The following CLVS1 variants were observed in gnomAD, a reference collection of about 807,000 sequenced individuals.
CLVS1 encodes clavesin 1, also known as clavesin-1.
CLVS1 carries 10 observed loss-of-function variants against 33.1 expected under a neutral mutation model. The observed-to-expected ratio is 0.30, with a 90% CI of 0.19 to 0.51. The LOEUF is 0.51. Among genes scored for constraint, CLVS1 ranks in the 20% least tolerant of loss-of-function variants. CLVS1 has a pLI of 0.97. For missense variants in CLVS1, 343 were observed against 433.4 expected (o/e 0.79, Z 1.85); for synonymous variants, 163 against 166.1 (o/e 0.98, Z 0.14).
At chr8:61,218,660 C>T (rs1808142977) in intron 2 of CLVS1, among the ~76,000 whole-genome samples, 1 of 148,916 alleles carries the variant, frequency 6.7e-6, no homozygotes, top group African/African-American at 2.5e-5. Context: ...CAAGGCCAGG[C>T]ATGGTGGATG....
At chr8:61,109,540 TA>T (rs1359058644) in intron 1 of CLVS1, among the ~76,000 whole-genome samples, 2 of 152,350 alleles carry the variant, frequency 1.3e-5, no homozygotes, top group South Asian at 2.1e-4. Context: ...ATATTTATAC[TA>T]AAAAATTATT....
chr8:61,022,566 C>T, the CLVS1 span, among the ~76,000 whole-genome samples: 1 of 152,170 alleles, frequency 6.6e-6, no homozygotes, highest in African/African-American at 2.4e-5. Flanking sequence ...GTCTGACTTC[C>T]TCTATTCATG....
rs1804788409 is a variant in CLVS1, at chr8:61,500,972, T to G, written c.*1430T>G. On this transcript the variant is annotated 3_prime_UTR_variant, in exon 6 of 6. Coordinates refer to ENST00000325897, the MANE Select transcript of CLVS1 (RefSeq NM_173519.3). ...TCTCTTTCTCAATGGATCTAATGTT[T>G]TAATTTTTTCCCCTATTGGTAGAGA... 1 of 152,218 alleles carries G rather than the reference T, an allele frequency of 6.6e-6. No individual in the cohort carries two copies. The highest frequency in any genetic ancestry group is 1.5e-5 in the Non-Finnish European group (1 of 68,036). The allele number at this position is 152,218 out of a possible 1,614,324, so 9.4% of individuals were successfully genotyped here.
Position 61,108,110 on chromosome 8 carries a change from A to G in CLVS1, c.-242-23660A>G, listed in dbSNP as rs60815443. On this transcript the variant is annotated intron_variant, in intron 1 of 2. Transcript: ENST00000522621. ...TGGTGAAACCCCATCTCTACTAAAAATACAAAAAAATTTAGCCAGGCGTGG... is the reference window on the plus strand; with the variant it reads ...TGGTGAAACCCCATCTCTACTAAAAGTACAAAAAAATTTAGCCAGGCGTGG... Among the ~76,000 whole-genome samples the G allele has an allele frequency of 2.5e-3, 380 of 151,964 alleles. 1 individual carries two copies. Among genetic ancestry groups the G allele is most frequent in the African/African-American group, 9.0e-3 (372 of 41,432 alleles).
Position 61,214,415 on chromosome 8 carries a change from ACT to A in CLVS1, c.-152+82558_-152+82559del, listed in dbSNP as rs1808041693. ...CAGCTTTAAAATTTCTCTCTTTTGT[ACT>A]CTGTCCCTTTATTTCTCAAGCTGGC... On this transcript the variant is annotated intron_variant, in intron 2 of 2. Coordinates refer to the CLVS1 transcript ENST00000522621. Among the ~76,000 whole-genome samples, 4 of 151,874 alleles carry A rather than the reference ACT, an allele frequency of 2.6e-5. No individual in the cohort carries two copies. In the South Asian group the frequency reaches 8.3e-4, roughly 32 times the overall value.
chr8:61,189,946 C>G (rs1176194446), intron 2 of CLVS1, among the ~76,000 whole-genome samples: 1 of 152,152 alleles, frequency 6.6e-6, no homozygotes, highest in Non-Finnish European at 1.5e-5. Context: ...ACCCCACTGT[C>G]AACATTAGAC....
At chr8:61,188,747 A>G (rs1360626807) in intron 2 of CLVS1, among the ~76,000 whole-genome samples, 1 of 152,132 alleles carries the variant, frequency 6.6e-6, no homozygotes, top group Non-Finnish European at 1.5e-5. Flanking sequence ...AAAAAGAGGA[A>G]AAACATGAAA....
intron 2 of CLVS1, among the ~76,000 whole-genome samples, chr8:61,247,768 G>A (rs1335392896): frequency 1.3e-5 from 2 of 152,142 alleles, no homozygotes; most frequent in African/African-American, 4.8e-5. Flanking sequence ...TTCTTTTGCT[G>A]TGCAGAAGTT....
intron 2 of CLVS1, among the ~76,000 whole-genome samples, chr8:61,236,554 G>A (rs1808564214): frequency 6.6e-6 from 1 of 152,158 alleles, no homozygotes; most frequent in African/African-American, 2.4e-5. Context: ...CTGGAGTTGA[G>A]AGTAAAATTT....
rs1176199976 is a variant in CLVS1, at chr8:61,451,325, T to TA, written c.631-2815dup. ...TTTGTATTTTTTCAAATAATGTTTT[T>TA]ATCTATTTTTTACTTTTGTAGAATG... On this transcript the variant is annotated intron_variant, in intron 3 of 5. Coordinates refer to ENST00000325897, the MANE Select transcript of CLVS1 (RefSeq NM_173519.3). Among the ~76,000 whole-genome samples the TA allele has an allele frequency of 2.0e-5, 3 of 152,320 alleles. No homozygotes were observed. In the South Asian group the frequency reaches 6.2e-4, roughly 32 times the overall value.
At chr8:61,046,663 A>T in the CLVS1 span, among the ~76,000 whole-genome samples, 1 of 151,892 alleles carries the variant, frequency 6.6e-6, no homozygotes, top group East Asian at 1.9e-4. Flanking sequence ...CTTTTATTTC[A>T]TTGAGCAGTG....
chr8:61,168,514 C>A (rs1015798601), intron 2 of CLVS1, among the ~76,000 whole-genome samples: 1 of 152,116 alleles, frequency 6.6e-6, no homozygotes, highest in Non-Finnish European at 1.5e-5. Flanking sequence ...TTTAGAAAAA[C>A]CTATAGCATA....
intron 3 of CLVS1, among the ~76,000 whole-genome samples, chr8:61,409,483 T>G (rs969645204): frequency 2.7e-5 from 1 of 37,038 alleles, no homozygotes; most frequent in African/African-American, 3.7e-5. Flanking sequence ...AACTCCCTCC[T>G]TATTTCTTTT....
intron 2 of CLVS1, among the ~76,000 whole-genome samples, chr8:61,350,065 A>G (rs1812387101): frequency 6.6e-6 from 1 of 152,162 alleles, no homozygotes; most frequent in Non-Finnish European, 1.5e-5. Flanking sequence ...TATGTTGGTC[A>G]AAGGATATAG....
intron 2 of CLVS1, among the ~76,000 whole-genome samples, chr8:61,185,059 C>A (rs1257140552): frequency 6.6e-6 from 1 of 151,924 alleles, no homozygotes; most frequent in Non-Finnish European, 1.5e-5. Flanking sequence ...AAATTGGAAT[C>A]ATACTATGTA....
chr8:61,321,715 A>C (rs1811200430), intron 2 of CLVS1, among the ~76,000 whole-genome samples: 1 of 152,110 alleles, frequency 6.6e-6, no homozygotes, highest in Non-Finnish European at 1.5e-5. Context: ...CAGAGATGTC[A>C]TATCCTCTGG....
intron 5 of CLVS1, among the ~76,000 whole-genome samples, chr8:61,480,305 G>A (rs141114528): frequency 0.01 from 1,533 of 152,246 alleles, 11 homozygotes; most frequent in African/African-American, 0.034. Context: ...CCCCAGCCTC[G>A]CTGCCGCCTT....
chr8:61,181,938 T>A (rs1256843161), intron 2 of CLVS1, among the ~76,000 whole-genome samples: 5 of 151,994 alleles, frequency 3.3e-5, no homozygotes, highest in Non-Finnish European at 7.4e-5. Flanking sequence ...CCTGACCTCG[T>A]GATCCACCCG....
intron 4 of CLVS1, among the ~76,000 whole-genome samples, chr8:61,457,033 G>T (rs1817192461): frequency 1.3e-5 from 2 of 151,824 alleles, no homozygotes; most frequent in South Asian, 4.2e-4. Context: ...CGCCTCCTGG[G>T]TTCAAGTGAT....
Sources: gnomAD v4.1 joint callset for allele counts (sites outside exome capture counted in the v4.1 genomes callset) on GRCh38, gnomAD v4.1.1 for gene constraint, MANE v1.5 for transcripts, NCBI Gene and HGNC (gene_info 2026-07-23, HGNC 2026-07-21) for gene names.